NFASC: variants seen among roughly 807,000 people sequenced by gnomAD.
The protein encoded by NFASC is neurofascin.
In NFASC, 43 loss-of-function variants were observed where a neutral mutation model predicts 147.5. The ratio of observed to expected loss-of-function variants is 0.29; its 90% CI spans 0.23 to 0.38. NFASC has a LOEUF of 0.38. Ranked by LOEUF, NFASC falls within the 10% of genes least tolerant of loss-of-function variation. NFASC has a pLI of 1.00. For synonymous variants in NFASC, 622 were observed against 665.5 expected (o/e 0.93, Z 1.01); for missense variants, 1,320 against 1,689.0 (o/e 0.78, Z 3.83).
intron 2 of NFASC, among the ~76,000 whole-genome samples, chr1:204,926,050 C>T (rs918896219): frequency 2.0e-5 from 3 of 151,320 alleles, no homozygotes; most frequent in Admixed American, 6.6e-5. Context: ...AGAGACCAGA[C>T]AGTTTGTGAC....
chr1:204,996,550 C>T (rs764807055), intron 24 of NFASC, among the ~76,000 whole-genome samples: 1 of 152,158 alleles, frequency 6.6e-6, no homozygotes, highest in Non-Finnish European at 1.5e-5. Context: ...CGAGGAGAGC[C>T]AAGACCGGAG....
chr1:204,912,424 T>A (rs1450518630), intron 1 of NFASC, among the ~76,000 whole-genome samples: 1 of 152,146 alleles, frequency 6.6e-6, no homozygotes, highest in East Asian at 1.9e-4. Context: ...AGCCAGGCAT[T>A]GTGGCTCATG....
At chr1:204,873,125 A>AGG (rs1181012187) in intron 1 of NFASC, among the ~76,000 whole-genome samples, 2 of 146,854 alleles carry the variant, frequency 1.4e-5, no homozygotes, top group African/African-American at 5.4e-5. Flanking sequence ...CCTGACAGTG[A>AGG]GGGGGGCTAT....
chr1:204,889,015 C>T (rs908850467), intron 1 of NFASC, among the ~76,000 whole-genome samples: 1 of 152,084 alleles, frequency 6.6e-6, no homozygotes, highest in African/African-American at 2.4e-5. Context: ...GGATGCTTCC[C>T]GTGGGTTGTC....
rs1346231681 is a variant in NFASC, at chr1:204,950,512, T to TTC, written c.92-43_92-42dup. 3 of 1,595,718 alleles carry TTC rather than the reference T, an allele frequency of 1.9e-6. No homozygotes were observed. In the African/African-American group the frequency reaches 4.0e-5, roughly 21 times the overall value. On this transcript the variant is annotated intron_variant, in intron 3 of 29. Coordinates refer to ENST00000339876, the MANE Select transcript of NFASC (RefSeq NM_001005388.3). ...CTGGGCGGTTGTGTGCATAACGATG[T>TTC]TCTTCTTTTCTCCCTCTCCAATGCT... is the stretch of plus-strand genomic sequence containing the variant.
chr1:204,929,693 G>A (rs1489084796), intron 2 of NFASC, among the ~76,000 whole-genome samples: 1 of 152,082 alleles, frequency 6.6e-6, no homozygotes, highest in Non-Finnish European at 1.5e-5. Flanking sequence ...GTGCTCCCTG[G>A]GGAATGGGAG....
At chr1:204,944,451 G>GT in intron 3 of NFASC, 45 bp downstream of exon 3, 2 of 586,526 alleles carry the variant, frequency 3.4e-6, no homozygotes, top group Non-Finnish European at 5.8e-6. Context: ...CTGATTTTGG[G>GT]CAGAGGGGTG....
chr1:205,000,527 T>A (rs924517605), intron 25 of NFASC: 1 of 153,732 alleles, frequency 6.5e-6, no homozygotes, highest in Non-Finnish European at 1.4e-5. Context: ...CTGGCACACA[T>A]CTTCTCTGTG....
rs1258862096 is a variant in NFASC at position 205,017,816 on chromosome 1, A to G, written c.*1277A>G. The stretch of plus-strand genomic sequence containing the variant: ...ACATATCAGGGGACCCTGAGGTGGC[A>G]CCGTACTCAGTGTTGTGATGCCCCC... On this transcript the variant is annotated 3_prime_UTR_variant, in exon 30 of 30. Transcript: ENST00000339876. 6.5e-6 allele frequency: 1 copy of G among 152,730 alleles called. No individual in the cohort carries two copies. Among genetic ancestry groups the G allele is most frequent in the Non-Finnish European group, 1.5e-5 (1 of 68,128 alleles). 9.5% of individuals were successfully genotyped at this position (152,730 alleles called of 1,614,324 possible).
chr1:205,002,474 A>T (rs1246749014), intron 26 of NFASC, 122 bp from the exon 27 acceptor site: 1 of 715,964 alleles, frequency 1.4e-6, no homozygotes, highest in Admixed American at 3.6e-5. Context: ...GGTGGACTGG[A>T]CCCGCGGTTC....
chr1:205,009,238 C>T, intron 27 of NFASC: 2 of 438,854 alleles, frequency 4.6e-6, no homozygotes, highest in South Asian at 4.1e-5. Context: ...TAGGCTGTGA[C>T]CAGCCCTCTG....
At chr1:204,879,725 A>C (rs2079760687) in intron 1 of NFASC, among the ~76,000 whole-genome samples, 2 of 152,202 alleles carry the variant, frequency 1.3e-5, no homozygotes, top group African/African-American at 4.8e-5. Flanking sequence ...GAACTTGAGA[A>C]AGTGTTCTAT....
chr1:204,863,726 G>A (rs12041025), intron 1 of NFASC, among the ~76,000 whole-genome samples: 20,890 of 151,622 alleles, frequency 0.14, 2,054 homozygotes, highest in East Asian at 0.45. Context: ...GCGGGTGCCT[G>A]TAGTCCCACT....
chr1:204,907,838 T>G (rs17336419), intron 1 of NFASC, among the ~76,000 whole-genome samples: 34,128 of 152,176 alleles, frequency 0.22, 4,168 homozygotes, highest in Non-Finnish European at 0.28. Context: ...CTTGGGCTCA[T>G]GATGCCTTGG....
At chr1:204,934,881 G>T (rs1422211929) in intron 2 of NFASC, among the ~76,000 whole-genome samples, 1 of 152,222 alleles carries the variant, frequency 6.6e-6, no homozygotes, top group African/African-American at 2.4e-5. Context: ...TATGGGCACT[G>T]TGGACGGGAG....
At chr1:204,870,800 A>G (rs578223990) in intron 1 of NFASC, 7 of 1,176,470 alleles carry the variant, frequency 5.9e-6, no homozygotes, top group Non-Finnish European at 7.5e-6. Flanking sequence ...TGTTTATGCC[A>G]CGGAGGGCTG....
intron 1 of NFASC, among the ~76,000 whole-genome samples, chr1:204,891,741 T>A (rs2082432744): frequency 6.6e-6 from 1 of 152,170 alleles, no homozygotes; most frequent in Non-Finnish European, 1.5e-5. Context: ...TGGAGTAGGT[T>A]GGTCCAGGAA....
intron 4 of NFASC, among the ~76,000 whole-genome samples, chr1:204,951,120 G>A (rs2094084997): frequency 6.6e-6 from 1 of 151,502 alleles, no homozygotes; most frequent in African/African-American, 2.4e-5. Context: ...TAAAAGTCTG[G>A]CCTTCAGTTT....
At chr1:204,839,542 T>C (rs759748122) in intron 1 of NFASC, among the ~76,000 whole-genome samples, 2 of 152,088 alleles carry the variant, frequency 1.3e-5, no homozygotes, top group African/African-American at 4.8e-5. Flanking sequence ...CCCTCCTTCA[T>C]GAGGGAATGG....
Sources: allele counts gnomAD v4.1 joint callset (sites outside exome capture counted in the v4.1 genomes callset), GRCh38; gene constraint gnomAD v4.1.1; transcripts MANE v1.5; gene names NCBI Gene and HGNC (gene_info 2026-07-23, HGNC 2026-07-21).